The following PPP1R16B variants were observed in gnomAD, a reference collection of about 807,000 sequenced individuals.
PPP1R16B encodes protein phosphatase 1 regulatory subunit 16B, also known as protein phosphatase 1 regulatory inhibitor subunit 16B.
A neutral mutation model predicts 61.7 loss-of-function variants in PPP1R16B; 14 were observed. The observed-to-expected ratio is 0.23, with a 90% CI of 0.15 to 0.35. PPP1R16B has a LOEUF of 0.35. PPP1R16B is among the 10% of genes least tolerant of loss of function. The probability of loss-of-function intolerance (pLI) is 1.00; values close to 1 mark genes in which losing one functional copy is unlikely to be tolerated. For synonymous variants in PPP1R16B, 266 were observed against 305.3 expected, an observed-to-expected ratio of 0.87 and a Z score of 1.34; for missense variants, 547 against 752.5, an observed-to-expected ratio of 0.73 and a Z score of 3.19.
chr20:38,857,343 G>A (rs4812326), intron 2 of PPP1R16B, among the ~76,000 whole-genome samples: 100,485 of 152,034 alleles, frequency 0.66, 33,652 homozygotes, highest in African/African-American at 0.77. Flanking sequence ...ATAATTCCAG[G>A]CTTTATAATT....
In PPP1R16B at chr20:38,897,077, C is replaced by T. The variant is rs139096568; in HGVS notation, c.467+1367C>T. Among the ~76,000 whole-genome samples the T allele has an allele frequency of 8.2e-3, 1,246 of 152,296 alleles. 14 individuals are homozygous for T. Among genetic ancestry groups the T allele is most frequent in the African/African-American group, 0.029 (1,188 of 41,552 alleles). On this transcript the variant is annotated intron_variant, in intron 4 of 10. Transcript: ENST00000299824. Reference sequence around the variant, plus strand: ...AGGAGAATCGCTTGAACCCAGGAGGCGGAGTTTGCGATGAGCTGAGATCAT... The same window carrying T: ...AGGAGAATCGCTTGAACCCAGGAGGTGGAGTTTGCGATGAGCTGAGATCAT...
Position 38,835,925 on chromosome 20 carries a change from C to T in PPP1R16B, c.-1C>T. 6.5e-7 allele frequency: 1 copy of T among 1,537,796 alleles called. No individual in the cohort carries two copies. The highest frequency in any genetic ancestry group is 8.7e-7 in the Non-Finnish European group (1 of 1,144,160). ...CCAGGGCGTTGGGGAGGGCGGTGGC[C>T]ATGGCCAGTCACGTGGACCTGCTGA... On this transcript the variant is annotated 5_prime_UTR_variant, in exon 2 of 11. Transcript: ENST00000299824.
intron 2 of PPP1R16B, among the ~76,000 whole-genome samples, chr20:38,879,003 G>A (rs906493055): frequency 1.3e-5 from 2 of 152,148 alleles, no homozygotes; most frequent in Non-Finnish European, 2.9e-5. Context: ...GAGAGCTCCC[G>A]GACGGCCAGT....
chr20:38,878,485 T>C (rs2085184045), intron 2 of PPP1R16B, among the ~76,000 whole-genome samples: 1 of 152,216 alleles, frequency 6.6e-6, no homozygotes, highest in Admixed American at 6.5e-5. Flanking sequence ...TTGGCTATAT[T>C]TGAGTGAGGG....
At chr20:38,897,913 C>T (rs1343805386) in intron 4 of PPP1R16B, among the ~76,000 whole-genome samples, 2 of 152,192 alleles carry the variant, frequency 1.3e-5, no homozygotes, top group Non-Finnish European at 2.9e-5. Flanking sequence ...GGAGAAATGT[C>T]TATTCAAGTC....
intron 1 of PPP1R16B, among the ~76,000 whole-genome samples, chr20:38,811,060 C>A (rs1348990895): frequency 2.0e-5 from 3 of 151,948 alleles, no homozygotes; most frequent in Non-Finnish European, 2.9e-5. Context: ...GGTGCAGACG[C>A]TTTGTGGGGA....
chr20:38,852,768 T>TTGTG (rs1601257219), intron 2 of PPP1R16B, among the ~76,000 whole-genome samples: 1 of 62,336 alleles, frequency 1.6e-5, no homozygotes, highest in Non-Finnish European at 3.0e-5. Flanking sequence ...TTTTTTTTTT[T>TTGTG]GCGGGGGGTG....
At chr20:38,879,272 G>C (rs1284155313) in intron 2 of PPP1R16B, among the ~76,000 whole-genome samples, 1 of 152,060 alleles carries the variant, frequency 6.6e-6, no homozygotes, top group Non-Finnish European at 1.5e-5. Context: ...AAGGAAGGGA[G>C]AAGAAGAGAG....
intron 2 of PPP1R16B, among the ~76,000 whole-genome samples, chr20:38,843,261 T>C (rs2084919747): frequency 6.6e-6 from 1 of 152,290 alleles, no homozygotes; most frequent in Non-Finnish European, 1.5e-5. Flanking sequence ...GCGTAGCAGA[T>C]GAACTCAAAA....
At chr20:38,877,354 C>T (rs1040741273) in intron 2 of PPP1R16B, among the ~76,000 whole-genome samples, 8 of 151,356 alleles carry the variant, frequency 5.3e-5, no homozygotes, top group East Asian at 1.9e-4. Flanking sequence ...TTGTTGCCCA[C>T]GCTGGAGTGC....
At chr20:38,905,661 C>T (rs1197733755) in intron 6 of PPP1R16B, among the ~76,000 whole-genome samples, 1 of 152,068 alleles carries the variant, frequency 6.6e-6, no homozygotes, top group African/African-American at 2.4e-5. Context: ...TAAAAATCAC[C>T]ATATTGAACC....
chr20:38,851,857 CCAAAAA>C (rs376863373), intron 2 of PPP1R16B, among the ~76,000 whole-genome samples: 250 of 152,250 alleles, frequency 1.6e-3, no homozygotes, highest in African/African-American at 5.3e-3. Context: ...TGTATCTCTA[CCAAAAA>C]CAAAAACAAA....
intron 2 of PPP1R16B, among the ~76,000 whole-genome samples, chr20:38,857,881 G>A (rs761401462): frequency 5.3e-5 from 8 of 151,828 alleles, no homozygotes; most frequent in Non-Finnish European, 1.2e-4. Context: ...ACTTCAGTTG[G>A]GCACTAGGAC....
intron 1 of PPP1R16B, among the ~76,000 whole-genome samples, chr20:38,814,915 T>G (rs1284988365): frequency 6.6e-6 from 1 of 152,230 alleles, no homozygotes; most frequent in Non-Finnish European, 1.5e-5. Context: ...TCTCCTGTTT[T>G]CTTTCTGGAA....
chr20:38,916,828 A>C (rs942641090), intron 10 of PPP1R16B, among the ~76,000 whole-genome samples: 1 of 152,040 alleles, frequency 6.6e-6, no homozygotes, highest in East Asian at 1.9e-4. Context: ...ACACACTTTA[A>C]ACGTATTTGT....
intron 6 of PPP1R16B, 65 bp downstream of exon 6, chr20:38,902,857 G>C: frequency 6.2e-7 from 1 of 1,608,654 alleles, no homozygotes; most frequent in Non-Finnish European, 8.5e-7. Flanking sequence ...GCACCTGGTG[G>C]GGACCAACCC....
Position 38,806,028 on chromosome 20 carries a change from G to T in PPP1R16B, c.-102+236G>T, listed in dbSNP as rs531361911. Among the ~76,000 whole-genome samples the T allele has an allele frequency of 6.6e-6, 1 of 151,442 alleles. No homozygotes were observed. The highest frequency in any genetic ancestry group is 1.5e-5 in the Non-Finnish European group (1 of 67,760). The stretch of plus-strand genomic sequence containing the variant: ...GAATGGGGGCGTTCTCCCCGGCCTC[G>T]CAATTCCTTGACGAGGCCAGGGGAG... On this transcript the variant is annotated intron_variant, in intron 1 of 10. Transcript: ENST00000299824. This position sits in a 1 kb window ranked among gnomAD's most constrained non-coding sequence, Gnocchi z 4.5.
At chr20:38,906,136 G>A in intron 7 of PPP1R16B, 42 bp downstream of exon 7, 1 of 1,584,676 alleles carries the variant, frequency 6.3e-7, no homozygotes, top group African/African-American at 1.4e-5. Flanking sequence ...CCGGCACAGG[G>A]CTAACCTGCT....
chr20:38,875,604 C>G (rs556993278), intron 2 of PPP1R16B, among the ~76,000 whole-genome samples: 2 of 152,208 alleles, frequency 1.3e-5, no homozygotes, highest in Admixed American at 6.5e-5. Context: ...ACAAAACCCC[C>G]CAGCGAAGCA....
Sources: gnomAD v4.1 joint callset for allele counts (sites outside exome capture counted in the v4.1 genomes callset) on GRCh38, gnomAD v4.1.1 for gene constraint, Gnocchi (gnomAD v3.1) non-coding constraint, MANE v1.5 for transcripts, NCBI Gene and HGNC (gene_info 2026-07-23, HGNC 2026-07-21) for gene names.